Variants in SMAP1 observed in about 807,000 individuals in gnomAD.
SMAP1 encodes the protein small ArfGAP 1.
In SMAP1, 24 loss-of-function variants were observed where a neutral mutation model predicts 58.5. The observed-to-expected ratio is 0.41, with a 90% CI of 0.30 to 0.58. The LOEUF (loss-of-function observed/expected upper bound fraction) is 0.58, where lower values mean the gene tolerates loss of function less well. SMAP1 is among the 20% of genes least tolerant of loss of function. The pLI is 0.29. For synonymous variants in SMAP1, 216 were observed against 196.6 expected (o/e 1.10, Z -0.82); for missense variants, 563 against 566.3 (o/e 0.99, Z 0.06).
Position 70,852,549 on chromosome 6 carries a change from C to G in SMAP1, c.674C>G (p.Ala225Gly). 1 of 1,592,630 alleles carries G rather than the reference C, an allele frequency of 6.3e-7. No homozygotes were observed. Among genetic ancestry groups the G allele is most frequent in the South Asian group, 1.2e-5 (1 of 86,072 alleles). ...TVDLLGLDGP[A>G]VAPVTNGNTT... ...TCTATATTCTTTTCAGATGGCCCTG[C>G]TGTGGCACCAGTGACCAACGGGAAC... The change falls in exon 8 of 11, where the codon GCT (alanine) becomes GGT (glycine). Residue 225 changes from alanine (A) to glycine (G), a missense_variant. Ala to Gly is a moderately conservative substitution (Grantham distance 60). Transcript: ENST00000370455.
intron 3 of SMAP1, among the ~76,000 whole-genome samples, chr6:70,766,112 A>G (rs1005212393): frequency 6.6e-6 from 1 of 152,150 alleles, no homozygotes; most frequent in Non-Finnish European, 1.5e-5. Context: ...TCCATGGTGT[A>G]TATGCGCCAC....
intron 6 of SMAP1, 105 bp from the exon 7 acceptor site, chr6:70,836,836 A>C (rs1043596352): frequency 1.1e-6 from 1 of 893,286 alleles, no homozygotes; most frequent in Non-Finnish European, 1.6e-6. Flanking sequence ...TATGTTTCAT[A>C]TTTTTTTTAC....
chr6:70,852,137 A>G (rs1771208970), intron 7 of SMAP1, among the ~76,000 whole-genome samples: 2 of 152,168 alleles, frequency 1.3e-5, no homozygotes, highest in South Asian at 2.1e-4. Context: ...CCCTTATCTC[A>G]AAAGTAGTTT....
chr6:70,830,627 G>A (rs1349953348), intron 6 of SMAP1, among the ~76,000 whole-genome samples: 1 of 152,132 alleles, frequency 6.6e-6, no homozygotes. Context: ...TGATAAAAAT[G>A]ACTTCTTATG....
chr6:70,764,954 C>T (rs377558987), intron 3 of SMAP1, among the ~76,000 whole-genome samples: 1 of 152,170 alleles, frequency 6.6e-6, no homozygotes, highest in Non-Finnish European at 1.5e-5. Context: ...CACACCACTA[C>T]CACACCCAGC....
chr6:70,769,732 G>T (rs2149908606), intron 3 of SMAP1, among the ~76,000 whole-genome samples: 1 of 152,176 alleles, frequency 6.6e-6, no homozygotes, highest in South Asian at 2.1e-4. Flanking sequence ...TCTTTTAATT[G>T]GAGCATTTAG....
intron 3 of SMAP1, 141 bp from the exon 4 acceptor site, chr6:70,773,209 T>A: frequency 1.8e-6 from 1 of 565,078 alleles, no homozygotes; most frequent in Admixed American, 4.0e-5. Flanking sequence ...CAGAATGTAG[T>A]TGCAGAAATA....
rs550517562 is a variant in SMAP1, at chr6:70,858,050, C to G, written c.1090C>G (p.Pro364Ala). 15 of 1,614,072 alleles carry G rather than the reference C, an allele frequency of 9.3e-6. 1 individual carries two copies. In the South Asian group the frequency reaches 1.6e-4, roughly 18 times the overall value. The change falls in exon 10 of 11, where the codon CCA (proline) becomes GCA (alanine). Residue 364 changes from proline to alanine, a missense_variant. Pro to Ala is a conservative substitution (Grantham distance 27, BLOSUM62 -1). Coordinates refer to ENST00000370455, the MANE Select transcript of SMAP1 (RefSeq NM_001044305.3). ...GLIGNVMGQS[P>A]SMMVGMPMPN... ...TATAGGAAATGTGATGGGACAGAGT[C>G]CAAGCATGATGGTGGGCATGCCCAT...
chr6:70,837,211 C>T (rs951124892), intron 7 of SMAP1, among the ~76,000 whole-genome samples, 183 bp downstream of exon 7: 3 of 152,176 alleles, frequency 2.0e-5, no homozygotes, highest in Non-Finnish European at 4.4e-5. Flanking sequence ...GAGCCAGTGT[C>T]TGTCAGCACT....
intron 1 of SMAP1, among the ~76,000 whole-genome samples, chr6:70,672,011 T>C (rs1766286214): frequency 6.6e-6 from 1 of 152,244 alleles, no homozygotes; most frequent in South Asian, 2.1e-4. Flanking sequence ...TTGTTTAGCC[T>C]GTCTGATATT....
intron 1 of SMAP1, among the ~76,000 whole-genome samples, chr6:70,718,245 T>A (rs1768356755): frequency 6.6e-6 from 1 of 152,168 alleles, no homozygotes; most frequent in Admixed American, 6.6e-5. Context: ...GCTAATGAGA[T>A]CCTGAACTGG....
At chr6:70,703,544 A>G (rs1395325520) in intron 1 of SMAP1, among the ~76,000 whole-genome samples, 2 of 152,190 alleles carry the variant, frequency 1.3e-5, no homozygotes, top group African/African-American at 4.8e-5. Context: ...ACAGGACTTT[A>G]TAGAATTAAT....
At chr6:70,726,298 T>G (rs1331527145) in intron 1 of SMAP1, among the ~76,000 whole-genome samples, 1 of 152,198 alleles carries the variant, frequency 6.6e-6, no homozygotes, top group Non-Finnish European at 1.5e-5. Flanking sequence ...AGCTATCCTT[T>G]GTAAGCTAGA....
intron 5 of SMAP1, among the ~76,000 whole-genome samples, chr6:70,793,285 G>A (rs1768449139): frequency 6.6e-6 from 1 of 152,046 alleles, no homozygotes; most frequent in Non-Finnish European, 1.5e-5. Context: ...CACCCGACTC[G>A]GGCTCCCAAA....
At chr6:70,771,456 C>T (rs929912798) in intron 3 of SMAP1, among the ~76,000 whole-genome samples, 2 of 152,224 alleles carry the variant, frequency 1.3e-5, no homozygotes, top group East Asian at 1.9e-4. Context: ...TGGGCAATGG[C>T]GGGCGCCCCT....
chr6:70,673,843 T>C (rs1437585488), intron 1 of SMAP1, among the ~76,000 whole-genome samples: 1 of 152,208 alleles, frequency 6.6e-6, no homozygotes, highest in Non-Finnish European at 1.5e-5. Context: ...GTTTAAAACT[T>C]GGGCTGCATG....
chr6:70,748,879 C>CATATATAT (rs141576869), intron 2 of SMAP1, among the ~76,000 whole-genome samples: 1 of 149,782 alleles, frequency 6.7e-6, no homozygotes, highest in African/African-American at 2.4e-5. Context: ...ATATTTTATG[C>CATATATAT]ATATATATAT....
intron 6 of SMAP1, among the ~76,000 whole-genome samples, chr6:70,807,636 A>G (rs1206117618): frequency 1.3e-5 from 2 of 152,198 alleles, no homozygotes; most frequent in Non-Finnish European, 2.9e-5. Context: ...GGAAGTTTCT[A>G]AGTTTTATAG....
intron 2 of SMAP1, among the ~76,000 whole-genome samples, chr6:70,752,510 G>C (rs1766320680): frequency 1.3e-5 from 2 of 152,146 alleles, no homozygotes; most frequent in African/African-American, 4.8e-5. Context: ...GTAAAGTGTT[G>C]AGGCTAATGC....
Sources: gnomAD v4.1 joint callset for allele counts (sites outside exome capture counted in the v4.1 genomes callset) on GRCh38, gnomAD v4.1.1 for gene constraint, MANE v1.5 for transcripts, NCBI Gene and HGNC (gene_info 2026-07-23, HGNC 2026-07-21) for gene names.